The following ZIM2 variants were observed in gnomAD, a reference collection of about 807,000 sequenced individuals.
The protein encoded by ZIM2 is zinc finger imprinted 2.
In ZIM2, 14 loss-of-function variants were observed where a neutral mutation model predicts 38.6. That is an observed-to-expected ratio of 0.36 (90% CI 0.24 to 0.57). ZIM2 has a LOEUF of 0.57. Among genes scored for constraint, ZIM2 ranks in the 20% least tolerant of loss-of-function variants. The pLI is 0.81. For missense variants in ZIM2, 680 were observed against 695.1 expected (o/e 0.98, Z 0.24); for synonymous variants, 247 against 245.8 (o/e 1.00, Z -0.04).
At chr19:56,839,247 A>C (rs998373135) in intron 1 of ZIM2, among the ~76,000 whole-genome samples, 5 of 146,090 alleles carry the variant, frequency 3.4e-5, no homozygotes, top group Admixed American at 6.9e-5. Context: ...TGCGCAGCAA[A>C]CTCCAGCAGC....
At chr19:56,802,317 A>G (rs1292576934) in intron 9 of ZIM2, among the ~76,000 whole-genome samples, 1 of 152,140 alleles carries the variant, frequency 6.6e-6, no homozygotes, top group Non-Finnish European at 1.5e-5. Context: ...ACCAAAATTG[A>G]CTATGGAAAC....
At chr19:56,818,812 C>A in intron 7 of ZIM2, 110 bp from the exon 8 acceptor site, 1 of 1,268,920 alleles carries the variant, frequency 7.9e-7, no homozygotes, top group Non-Finnish European at 1.1e-6. Flanking sequence ...ATAGGAAGTG[C>A]TCACGGTATT....
chr19:56,816,153 G>A (rs2146189850), intron 9 of ZIM2: 1 of 1,613,780 alleles, frequency 6.2e-7, no homozygotes, highest in Non-Finnish European at 8.5e-7. Context: ...TTTCCTTAGT[G>A]GGAATCTTCT....
At chr19:56,824,550 C>G (rs754521653) in intron 3 of ZIM2, 123 bp from the exon 4 acceptor site, 2 of 1,614,170 alleles carry the variant, frequency 1.2e-6, no homozygotes, top group Non-Finnish European at 1.7e-6. Flanking sequence ...GGACCTTCTC[C>G]TATGATGACA....
Position 56,816,463 on chromosome 19 carries a change from T to C in ZIM2, c.490+1283A>G, listed in dbSNP as rs146848788. On this transcript the variant is annotated intron_variant, in intron 9 of 12. Coordinates refer to ENST00000629319, the MANE Select transcript of ZIM2 (RefSeq NM_001387356.1). ...AGGAATAAAGGTTTCCTCACACACT[T>C]TACCCTTGTTTTCAAATGGGTTCCC... 7.4e-6 allele frequency: 12 copies of C among 1,613,652 alleles called. No homozygotes were observed. In the African/African-American group the frequency reaches 1.6e-4, roughly 22 times the overall value.
chr19:56,829,367 C>T (rs2061369810), intron 2 of ZIM2, among the ~76,000 whole-genome samples: 1 of 149,064 alleles, frequency 6.7e-6, no homozygotes, highest in East Asian at 2.0e-4. Context: ...AAAAAGTCAG[C>T]TGCACACTAT....
chr19:56,807,056 A>C (rs1173599095), intron 9 of ZIM2, among the ~76,000 whole-genome samples: 1 of 152,214 alleles, frequency 6.6e-6, no homozygotes, highest in Non-Finnish European at 1.5e-5. Flanking sequence ...TGTCCCCCAC[A>C]GAATGCCAAA....
chr19:56,836,085 G>A lies in ZIM2; in HGVS notation c.-294C>T, dbSNP rs761412756. ...CTCGCCAGTCGTCTCCAAGAAGGAC[G>A]GAAGATCAAGAAGGCAAAGCTGTAG... On this transcript the variant is annotated 5_prime_UTR_variant, in exon 2 of 13. Coordinates refer to ENST00000629319, the MANE Select transcript of ZIM2 (RefSeq NM_001387356.1). 1.2e-5 allele frequency: 6 copies of A among 495,208 alleles called. No individual in the cohort carries two copies. Among genetic ancestry groups the A allele is most frequent in the Middle Eastern group, 3.2e-4 (1 of 3,142 alleles). The allele number at this position is 495,208 out of a possible 1,614,324, so 30.7% of individuals were successfully genotyped here. A position where few individuals can be genotyped will look rare whatever the true frequency, so the allele number is the denominator to read the frequency against.
rs186970537 is a variant in ZIM2, at chr19:56,804,901, T to C, written c.490+12845A>G. Among the ~76,000 whole-genome samples the C allele has an allele frequency of 1.9e-3, 295 of 152,324 alleles. 2 individuals are homozygous for C. The highest frequency in any genetic ancestry group is 4.1e-4 in the Non-Finnish European group (28 of 68,038). ...GAATAGTTAAGGAAATAACCCAAGA[T>C]TGACAGCTGTTAGTGGCAGAGGCAA... On this transcript the variant is annotated intron_variant, in intron 9 of 12. Coordinates refer to ENST00000629319, the MANE Select transcript of ZIM2 (RefSeq NM_001387356.1).
Position 56,814,303 on chromosome 19 carries a change from A to C in ZIM2, c.490+3443T>G. The C allele has an allele frequency of 6.2e-7, 1 of 1,614,126 alleles. No individual in the cohort carries two copies. Among genetic ancestry groups the C allele is most frequent in the Non-Finnish European group, 8.5e-7 (1 of 1,180,042 alleles). On this transcript the variant is annotated intron_variant, in intron 9 of 12. Transcript: ENST00000629319. This position sits in a 1 kb window ranked among gnomAD's most constrained non-coding sequence, Gnocchi z 5.8. The stretch of plus-strand genomic sequence containing the variant: ...CTGAATCCTCAGAACTACTTGTGGA[A>C]CATGGACATTGGCTTCAACTTCCTG...
chr19:56,839,891 C>T (rs1219040960), intron 1 of ZIM2, among the ~76,000 whole-genome samples: 1 of 152,254 alleles, frequency 6.6e-6, no homozygotes, highest in African/African-American at 2.4e-5. Context: ...CCCCATCTGC[C>T]GCCAACCAAC....
Position 56,818,682 on chromosome 19 carries a change from A to G in ZIM2, c.315T>C (p.Asn105=). The change falls in exon 8 of 13, where the codon AAT becomes AAC. Residue 105 remains asparagine (N), a synonymous_variant. Coordinates refer to ENST00000629319, the MANE Select transcript of ZIM2 (RefSeq NM_001387356.1). ...SRSQDAESYQ[N]VVDLAEDRKP... ...TCCTGTCCTCAGCGAGGTCCACCACATTTTGGTATGATTCAGCATCCTAAA... is the reference window on the plus strand; with the variant it reads ...TCCTGTCCTCAGCGAGGTCCACCACGTTTTGGTATGATTCAGCATCCTAAA... 1 of 1,614,144 alleles carries G rather than the reference A, an allele frequency of 6.2e-7. No individual in the cohort carries two copies. The highest frequency in any genetic ancestry group is 2.2e-5 in the East Asian group (1 of 44,876).
chr19:56,816,249 A>G, intron 9 of ZIM2: 1 of 1,614,074 alleles, frequency 6.2e-7, no homozygotes, highest in Non-Finnish European at 8.5e-7. Flanking sequence ...GACTCTTCTG[A>G]GATTCAGTGA....
chr19:56,805,085 G>C (rs2047692934), intron 9 of ZIM2, among the ~76,000 whole-genome samples: 1 of 152,168 alleles, frequency 6.6e-6, no homozygotes. Flanking sequence ...GGGTTTTTCA[G>C]CCTTGGCTCT....
At chr19:56,787,097 A>G (rs2145893987) in intron 10 of ZIM2, among the ~76,000 whole-genome samples, 1 of 152,156 alleles carries the variant, frequency 6.6e-6, no homozygotes, top group East Asian at 2.0e-4. Flanking sequence ...TGGCCTCCCA[A>G]AGTGCTGGGG....
At chr19:56,831,447 T>G (rs1409215944) in intron 2 of ZIM2, among the ~76,000 whole-genome samples, 3 of 152,216 alleles carry the variant, frequency 2.0e-5, no homozygotes, top group South Asian at 2.1e-4. Flanking sequence ...TTTCTAGAAT[T>G]AGGGTTGGCC....
chr19:56,833,247 C>G lies in ZIM2; in HGVS notation c.-227+2771G>C, dbSNP rs76508427. 2.2e-3 allele frequency: 1,043 copies of G among 482,666 alleles called. 11 individuals are homozygous for G. In the East Asian group the frequency reaches 0.04, roughly 19 times the overall value. 29.9% of individuals were successfully genotyped at this position (482,666 alleles called of 1,614,324 possible). A position where few individuals can be genotyped will look rare whatever the true frequency, so the allele number is the denominator to read the frequency against. On this transcript the variant is annotated intron_variant, in intron 2 of 12. Transcript: ENST00000629319. ...TCTATTTACTTACTTTGGTCCCTCA[C>G]CATGGTGCACCTAGATTCAGCCCCC...
chr19:56,776,744 A>G (rs1389254401), intron 12 of ZIM2, among the ~76,000 whole-genome samples: 1 of 152,228 alleles, frequency 6.6e-6, no homozygotes, highest in African/African-American at 2.4e-5. Flanking sequence ...GTAAGTGACG[A>G]CAGGAGCAGA....
At chr19:56,809,312 G>A (rs1178943098) in intron 9 of ZIM2, among the ~76,000 whole-genome samples, 3 of 152,310 alleles carry the variant, frequency 2.0e-5, no homozygotes, top group Non-Finnish European at 4.4e-5. Flanking sequence ...GTTAGAATTA[G>A]TGGCAAGTAC....
Sources: gnomAD v4.1 joint callset for allele counts (sites outside exome capture counted in the v4.1 genomes callset) on GRCh38, gnomAD v4.1.1 for gene constraint, Gnocchi (gnomAD v3.1) non-coding constraint, MANE v1.5 for transcripts, NCBI Gene and HGNC (gene_info 2026-07-23, HGNC 2026-07-21) for gene names.